CASP8: variants seen among roughly 807,000 people sequenced by gnomAD.
CASP8 encodes the protein caspase 8, also known as caspase-8.
Under a neutral mutation model 46.3 loss-of-function variants are expected in CASP8, and 24 were observed. The ratio of observed to expected loss-of-function variants is 0.52; its 90% confidence interval spans 0.38 to 0.73. The LOEUF (loss-of-function observed/expected upper bound fraction) is 0.73. CASP8 is among the 30% of genes least tolerant of loss of function. The pLI, the probability that CASP8 is intolerant of heterozygous loss-of-function variation, is 0.00. For synonymous variants in CASP8, 188 were observed against 200.4 expected (o/e 0.94, Z 0.52); for missense variants, 460 against 559.0 (o/e 0.82, Z 1.79).
chr2:201,286,408 A>T (rs1387713090), intron 8 of CASP8, 51 bp from the exon 9 acceptor site: 4 of 1,594,502 alleles, frequency 2.5e-6, no homozygotes, highest in Non-Finnish European at 2.6e-6. Context: ...GAGACAGTTC[A>T]TCAGTTGCTT....
intron 6 of CASP8, 71 bp from the exon 7 acceptor site, chr2:201,276,756 G>C: frequency 6.2e-7 from 1 of 1,605,184 alleles, no homozygotes; most frequent in Non-Finnish European, 8.5e-7. Flanking sequence ...CTCTTACTAG[G>C]GAGTTGTTTG....
chr2:201,274,292 C>T (rs558352910), intron 5 of CASP8, among the ~76,000 whole-genome samples: 12 of 152,258 alleles, frequency 7.9e-5, no homozygotes, highest in African/African-American at 2.6e-4. Flanking sequence ...CTCACAAATA[C>T]CACAAAAATT....
chr2:201,285,121 C>A lies in CASP8; in HGVS notation c.1108C>A (p.Pro370Thr), dbSNP rs1380740513. The A allele has an allele frequency of 1.9e-6, 3 of 1,614,128 alleles. No individual in the cohort carries two copies. The highest frequency in any genetic ancestry group is 2.5e-6 in the Non-Finnish European group (3 of 1,180,008). ...CQGDNYQKGI[P>T]VETDSEEQPY... ...GGGGGATAACTACCAGAAAGGTATA[C>A]CTGTTGAGACTGATTCAGAGGAGCA... Residue 370 changes from proline (P) to threonine (T), a missense_variant, in exon 8 of 9, where the codon CCT (proline) becomes ACT (threonine). Transcript: ENST00000673742.
intron 8 of CASP8, 62 bp downstream of exon 8, chr2:201,285,379 A>G: frequency 6.4e-7 from 1 of 1,555,114 alleles, no homozygotes; most frequent in Non-Finnish European, 8.8e-7. Flanking sequence ...ACTCCATCAC[A>G]CTACTATCTA....
Position 201,266,532 on chromosome 2 carries a change from A to G in CASP8, c.46A>G (p.Ser16Gly). The stretch of plus-strand genomic sequence containing the variant: ...TTATGATATTGGGGAACAACTGGAC[A>G]GTGAAGATCTGGCCTCCCTCAAGTT... The part of the protein sequence containing the change: ...NLYDIGEQLD[S>G]EDLASLKFLS... The change falls in exon 2 of 9, where the codon AGT becomes GGT. Residue 16 changes from serine (S) to glycine (G), a missense_variant. Coordinates refer to ENST00000673742, the MANE Select transcript of CASP8 (RefSeq NM_001372051.1). This position sits in a 1 kb window ranked among gnomAD's most constrained non-coding sequence, Gnocchi z 5.7. 6.2e-7 allele frequency: 1 copy of G among 1,614,208 alleles called. No individual in the cohort carries two copies. The highest frequency in any genetic ancestry group is 8.5e-7 in the Non-Finnish European group (1 of 1,180,002).
chr2:201,233,795 G>T (rs1945923472), intron 1 of CASP8, among the ~76,000 whole-genome samples: 1 of 152,222 alleles, frequency 6.6e-6, no homozygotes, highest in Non-Finnish European at 1.5e-5. Flanking sequence ...TGATACTGAA[G>T]TCTAGGCTGG....
intron 1 of CASP8, chr2:201,262,419 A>T (rs1304972818): frequency 6.6e-6 from 1 of 151,584 alleles, no homozygotes; most frequent in Non-Finnish European, 1.5e-5. Flanking sequence ...AAATATATAA[A>T]ATAATAAATA....
intron 2 of CASP8, among the ~76,000 whole-genome samples, chr2:201,249,334 C>T (rs1181017553): frequency 6.6e-6 from 1 of 152,160 alleles, no homozygotes; most frequent in East Asian, 1.9e-4. Flanking sequence ...CCTTTTTTCA[C>T]TTCACCTCAT....
rs1358991969 is a variant in CASP8 at position 201,285,926 on chromosome 2, C to T, written c.1305-533C>T. Reference sequence around the variant, plus strand: ...TAGATCATGAATCTAACTTAGATTTCGTAACTTAGATCATGAATCCTGCAA... The same window carrying T: ...TAGATCATGAATCTAACTTAGATTTTGTAACTTAGATCATGAATCCTGCAA... On this transcript the variant is annotated intron_variant, in intron 8 of 8. Transcript: ENST00000673742. Among the ~76,000 whole-genome samples, 4 of 152,110 alleles carry T rather than the reference C, an allele frequency of 2.6e-5. No homozygotes were observed. The East Asian group carries it at 5.8e-4, about 22-fold the overall frequency.
At chr2:201,283,458 C>T (rs866000039) in intron 7 of CASP8, among the ~76,000 whole-genome samples, 3,157 of 71,250 alleles carry the variant, frequency 0.044, 9 homozygotes, top group Non-Finnish European at 0.057. Flanking sequence ...CCCCCCACCT[C>T]CCTCCTGGAC....
intron 2 of CASP8, among the ~76,000 whole-genome samples, chr2:201,234,535 C>T (rs1013215119): frequency 1.3e-5 from 2 of 151,904 alleles, no homozygotes; most frequent in Non-Finnish European, 2.9e-5. Context: ...CTGATATCTC[C>T]GCCTCCCGGG....
At chr2:201,242,705 A>G (rs1946354174) in intron 2 of CASP8, 1 of 152,240 alleles carries the variant, frequency 6.6e-6, no homozygotes, top group African/African-American at 2.4e-5. Flanking sequence ...AAGTATAAAA[A>G]GGACCACAAA....
At chr2:201,263,106 T>G (rs1947540560) in intron 1 of CASP8, among the ~76,000 whole-genome samples, 1 of 152,216 alleles carries the variant, frequency 6.6e-6, no homozygotes, top group Admixed American at 6.5e-5. Context: ...TGCGCCAATC[T>G]TATTATATCC....
intron 2 of CASP8, among the ~76,000 whole-genome samples, chr2:201,238,148 C>A (rs541920227): frequency 6.6e-6 from 1 of 152,042 alleles, no homozygotes; most frequent in South Asian, 2.1e-4. Context: ...TAACAAATAA[C>A]AAGGGAGGCA....
chr2:201,276,023 G>T (rs1475846504), intron 6 of CASP8, among the ~76,000 whole-genome samples: 1 of 152,080 alleles, frequency 6.6e-6, no homozygotes, highest in Non-Finnish European at 1.5e-5. Context: ...AAGATAACAG[G>T]TTATTTGCCC....
At chr2:201,286,421 C>T in intron 8 of CASP8, 38 bp from the exon 9 acceptor site, 1 of 1,606,196 alleles carries the variant, frequency 6.2e-7, no homozygotes, top group Non-Finnish European at 8.5e-7. Context: ...AGTTGCTTTC[C>T]CCCACAGACA....
rs373673288 is a variant in CASP8 at position 201,285,182 on chromosome 2, C to T, written c.1169C>T (p.Thr390Met). The stretch of plus-strand genomic sequence containing the variant: ...GAAATGGATTTATCATCACCTCAAA[C>T]GAGATATATCCCGGATGAGGCTGAC... ...YLEMDLSSPQ[T>M]RYIPDEADFL... The change falls in exon 8 of 9, where the codon ACG becomes ATG. Residue 390 changes from threonine to methionine, a missense_variant. Coordinates refer to ENST00000673742, the MANE Select transcript of CASP8 (RefSeq NM_001372051.1). 131 of 1,614,074 alleles carry T rather than the reference C, an allele frequency of 8.1e-5. 1 individual carries two copies. Among genetic ancestry groups the T allele is most frequent in the Non-Finnish European group, 9.5e-5 (112 of 1,180,044 alleles).
At chr2:201,275,324 A>C (rs1043010740) in intron 6 of CASP8, among the ~76,000 whole-genome samples, 12 of 152,174 alleles carry the variant, frequency 7.9e-5, no homozygotes, top group African/African-American at 2.9e-4. Context: ...CTTTTCCTTT[A>C]GCTTAATGTT....
chr2:201,273,141 T>G (rs1168649686), intron 5 of CASP8, among the ~76,000 whole-genome samples, 199 bp downstream of exon 5: 1 of 151,020 alleles, frequency 6.6e-6, no homozygotes, highest in Non-Finnish European at 1.5e-5. Context: ...CACTGCAATC[T>G]CCGCCTCCCA....
Sources: gnomAD v4.1 joint callset for allele counts (sites outside exome capture counted in the v4.1 genomes callset) on GRCh38, gnomAD v4.1.1 for gene constraint, Gnocchi (gnomAD v3.1) non-coding constraint, MANE v1.5 for transcripts, NCBI Gene and HGNC (gene_info 2026-07-23, HGNC 2026-07-21) for gene names.